Variants in ACSM2B observed in about 807,000 individuals in gnomAD.
ACSM2B encodes acyl-CoA synthetase medium chain family member 2B, also known as acyl-coenzyme A synthetase ACSM2B, mitochondrial.
A neutral mutation model predicts 78.6 loss-of-function variants in ACSM2B; 58 were observed. That is an observed-to-expected ratio of 0.74 (90% confidence interval 0.60 to 0.92). The LOEUF (loss-of-function observed/expected upper bound fraction) is 0.92, where lower values mean the gene tolerates loss of function less well. Ranked by LOEUF, ACSM2B falls within the 40% of genes least tolerant of loss-of-function variation. ACSM2B has a pLI of 0.00. For synonymous variants in ACSM2B, 257 were observed against 256.8 expected (o/e 1.00, Z -0.01); for missense variants, 688 against 711.2 (o/e 0.97, Z 0.37).
chr16:20,566,536 A>T (rs1247463225), intron 1 of ACSM2B, among the ~76,000 whole-genome samples: 2 of 107,130 alleles, frequency 1.9e-5, no homozygotes, highest in African/African-American at 7.5e-5. Flanking sequence ...TGTTATATAT[A>T]CTATATAACT....
chr16:20,563,319 G>T (rs1380100325), intron 2 of ACSM2B, among the ~76,000 whole-genome samples: 2 of 151,962 alleles, frequency 1.3e-5, no homozygotes, highest in African/African-American at 2.4e-5. Context: ...CATATACTTT[G>T]CCTGGTTTTA....
intron 1 of ACSM2B, among the ~76,000 whole-genome samples, chr16:20,566,700 A>ATATACTATATATAATATATAC (rs1555459379): frequency 1.5e-4 from 1 of 6,702 alleles, no homozygotes; most frequent in African/African-American, 4.7e-4. Context: ...TATATATAGT[A>ATATACTATATATAATATATAC]TATATATAGT....
chr16:20,554,343 T>C (rs2152138734), intron 4 of ACSM2B, among the ~76,000 whole-genome samples: 1 of 151,756 alleles, frequency 6.6e-6, no homozygotes. Context: ...TTAATACGAG[T>C]TTTCCAAGTA....
At chr16:20,559,702 T>G (rs577016670) in intron 2 of ACSM2B, among the ~76,000 whole-genome samples, 6 of 146,520 alleles carry the variant, frequency 4.1e-5, no homozygotes, top group Admixed American at 6.6e-5. Context: ...AATAAACCCA[T>G]TATATATTAG....
Position 20,546,409 on chromosome 16 carries a change from G to C in ACSM2B, c.1164C>G (p.Ser388=). 1 of 1,606,858 alleles carries C rather than the reference G, an allele frequency of 6.2e-7. No homozygotes were observed. Among genetic ancestry groups the C allele is most frequent in the Non-Finnish European group, 8.5e-7 (1 of 1,175,904 alleles). Residue 388 remains serine (S), a synonymous_variant, in exon 9 of 14, where the codon TCC becomes TCG. Coordinates refer to ENST00000329697, the MANE Select transcript of ACSM2B (RefSeq NM_001105069.2). The part of the protein sequence containing the change: ...IKPGYMGTAA[S]CYDVQVIDDK... ...CCGAGCAAACCTGTACATCATAACAGGAAGCAGCCGTTCCCATGTATCCTG... is the reference window on the plus strand; with the variant it reads ...CCGAGCAAACCTGTACATCATAACACGAAGCAGCCGTTCCCATGTATCCTG...
Position 20,552,851 on chromosome 16 carries a change from C to T in ACSM2B, c.741-554G>A, listed in dbSNP as rs371591165. 1.2e-4 allele frequency among the ~76,000 whole-genome samples: 18 copies of T among 152,262 alleles called. No homozygotes were observed. The East Asian group carries it at 1.3e-3, about 11-fold the overall frequency. ...ATTTAAGCTAGACATGAACAACTTC[C>T]TTGTGACGGGAACTGCCATAGTGTA... On this transcript the variant is annotated intron_variant, in intron 5 of 13. Coordinates refer to ENST00000329697, the MANE Select transcript of ACSM2B (RefSeq NM_001105069.2).
In ACSM2B at chr16:20,550,401, A is replaced by G. The variant is rs190870498; in HGVS notation, c.894+1743T>C. ...ACTTGCAACTACATACTCATTTGCT[A>G]TATTTCTCCTTAATTTCCTTAGTCT... is the stretch of plus-strand genomic sequence containing the variant. On this transcript the variant is annotated intron_variant, in intron 6 of 13. Coordinates refer to ENST00000329697, the MANE Select transcript of ACSM2B (RefSeq NM_001105069.2). Among the ~76,000 whole-genome samples, 6 of 152,070 alleles carry G rather than the reference A, an allele frequency of 3.9e-5. No homozygotes were observed. The South Asian group carries it at 1.0e-3, about 26-fold the overall frequency.
At chr16:20,567,596 A>T (rs1237239440) in intron 1 of ACSM2B, among the ~76,000 whole-genome samples, 2 of 135,278 alleles carry the variant, frequency 1.5e-5, no homozygotes, top group Admixed American at 8.3e-5. Flanking sequence ...TAATAATATA[A>T]GATATATAAT....
chr16:20,555,183 A>C lies in ACSM2B; in HGVS notation c.596+86T>G, dbSNP rs113543604. The C allele has an allele frequency of 1.1e-4, 181 of 1,591,872 alleles. 1 individual carries two copies. Among genetic ancestry groups the C allele is most frequent in the East Asian group, 5.6e-4 (25 of 44,592 alleles). ...CTAGTCCCATGCTGTTCTTCCTGCA[A>C]CTCCTCAATAAAGCACCTGCACCTA... is the stretch of plus-strand genomic sequence containing the variant. On this transcript the variant is annotated intron_variant, in intron 4 of 13. Coordinates refer to ENST00000329697, the MANE Select transcript of ACSM2B (RefSeq NM_001105069.2).
At chr16:20,564,082 C>G (rs1160942953) in intron 2 of ACSM2B, among the ~76,000 whole-genome samples, 116 of 151,740 alleles carry the variant, frequency 7.6e-4, no homozygotes, top group Admixed American at 1.6e-3. Flanking sequence ...TCTGGGAAGA[C>G]TCAGTCTTTG....
intron 1 of ACSM2B, among the ~76,000 whole-genome samples, chr16:20,569,779 G>A (rs2016045019): frequency 6.6e-6 from 1 of 151,522 alleles, no homozygotes; most frequent in Non-Finnish European, 1.5e-5. Flanking sequence ...TCCTTGAATA[G>A]GTCTTTGGTT....
chr16:20,566,918 A>G (rs969654910), intron 1 of ACSM2B, among the ~76,000 whole-genome samples: 5 of 130,316 alleles, frequency 3.8e-5, no homozygotes, highest in Non-Finnish European at 7.9e-5. Flanking sequence ...TAGTATAGTT[A>G]TATATATCTG....
At chr16:20,569,841 C>A (rs1379950629) in intron 1 of ACSM2B, among the ~76,000 whole-genome samples, 1 of 151,730 alleles carries the variant, frequency 6.6e-6, no homozygotes, top group Non-Finnish European at 1.5e-5. Context: ...GGGTTGAGTT[C>A]TTGATTTAAT....
At chr16:20,550,705 A>G (rs1262041863) in intron 6 of ACSM2B, among the ~76,000 whole-genome samples, 1 of 152,172 alleles carries the variant, frequency 6.6e-6, no homozygotes, top group African/African-American at 2.4e-5. Flanking sequence ...ATGGGCCATT[A>G]GAGATCTGGG....
chr16:20,548,255 T>C (rs1304564678), intron 7 of ACSM2B, 70 bp from the exon 8 acceptor site: 2 of 1,610,588 alleles, frequency 1.2e-6, no homozygotes, highest in African/African-American at 1.3e-5. Flanking sequence ...CTAGACTTGG[T>C]TTCTGGGTGC....
At chr16:20,564,572 A>G in intron 2 of ACSM2B, 97 bp downstream of exon 2, 2 of 1,483,310 alleles carry the variant, frequency 1.3e-6, no homozygotes, top group African/African-American at 1.4e-5. Context: ...AGTGCCTTAC[A>G]TGTAATAAGT....
chr16:20,555,535 G>A (rs1473404795), intron 3 of ACSM2B, 59 bp from the exon 4 acceptor site: 3 of 1,604,296 alleles, frequency 1.9e-6, no homozygotes, highest in Non-Finnish European at 1.7e-6. Context: ...CCCTAGAGAA[G>A]CCTGAGATAA....
chr16:20,540,229 T>TG (rs1013708725), intron 13 of ACSM2B, among the ~76,000 whole-genome samples: 160 of 86,174 alleles, frequency 1.9e-3, no homozygotes, highest in African/African-American at 4.0e-3. Flanking sequence ...TTTTTGTTTT[T>TG]TTTTTTTGTT....
chr16:20,576,261 C>A lies in ACSM2B; in HGVS notation c.-63G>T, dbSNP rs959719455. 1 of 151,828 alleles carries A rather than the reference C, an allele frequency of 6.6e-6. No homozygotes were observed. The highest frequency in any genetic ancestry group is 1.5e-5 in the Non-Finnish European group (1 of 68,170). The allele number at this position is 151,828 out of a possible 1,614,324, so 9.4% of individuals were successfully genotyped here. On this transcript the variant is annotated 5_prime_UTR_variant, in exon 1 of 14. Transcript: ENST00000329697. ...GAGAGAGCTTCGTCCACCCTCCTCT[C>A]CAGCCAGCAGCTCCAGAACTCCTAC...
Sources: gnomAD v4.1 joint callset for allele counts (sites outside exome capture counted in the v4.1 genomes callset) on GRCh38, gnomAD v4.1.1 for gene constraint, MANE v1.5 for transcripts, NCBI Gene and HGNC (gene_info 2026-07-23, HGNC 2026-07-21) for gene names.